SLC4A9: variants seen among roughly 807,000 people sequenced by gnomAD.
The protein encoded by SLC4A9 is anion exchange protein 4.
In SLC4A9, 102 loss-of-function variants were observed where a neutral mutation model predicts 103.2. The ratio of observed to expected loss-of-function variants is 0.99; its 90% CI spans 0.84 to 1.17. SLC4A9 has a LOEUF of 1.17. SLC4A9 is among the 50% of genes most tolerant of loss of function. The pLI, the probability that SLC4A9 is intolerant of heterozygous loss-of-function variation, is 0.00. For synonymous variants in SLC4A9, 453 were observed against 483.6 expected (o/e 0.94, Z 0.83); for missense variants, 1,091 against 1,193.7 (o/e 0.91, Z 1.27).
chr5:140,367,301 A>T, intron 14 of SLC4A9, 119 bp from the exon 15 acceptor site: 3 of 1,230,018 alleles, frequency 2.4e-6, no homozygotes, highest in Non-Finnish European at 3.4e-6. Flanking sequence ...CACACAGCCC[A>T]CTAGCATCTA....
At chr5:140,361,460 C>A in intron 3 of SLC4A9, 93 bp downstream of exon 3, 1 of 1,054,906 alleles carries the variant, frequency 9.5e-7, no homozygotes, top group Non-Finnish European at 1.4e-6. Flanking sequence ...GTAGCCCAGG[C>A]TTAGTTCAGG....
intron 2 of SLC4A9, 110 bp downstream of exon 2, chr5:140,361,082 T>C (rs903980176): frequency 3.3e-6 from 4 of 1,226,412 alleles, no homozygotes; most frequent in African/African-American, 1.5e-5. Context: ...CCTCCTAGGA[T>C]TGTCTACCCT....
intron 1 of SLC4A9, 173 bp downstream of exon 1, chr5:140,360,639 T>C (rs1766923831): frequency 8.4e-7 from 1 of 1,190,272 alleles, no homozygotes; most frequent in Non-Finnish European, 1.2e-6. Context: ...GCAGTCTAGT[T>C]TTGAGATCCC....
At chr5:140,373,950 T>C (rs965129883) in intron 21 of SLC4A9, among the ~76,000 whole-genome samples, 3 of 152,256 alleles carry the variant, frequency 2.0e-5, no homozygotes, top group Non-Finnish European at 4.4e-5. Flanking sequence ...TCCCAGCACT[T>C]TGGGAGGCAG....
In SLC4A9 at chr5:140,361,816, C is replaced by T; in HGVS notation, c.514C>T (p.His172Tyr). The T allele has an allele frequency of 1.2e-6, 2 of 1,614,030 alleles. No individual in the cohort carries two copies. The highest frequency in any genetic ancestry group is 1.7e-6 in the Non-Finnish European group (2 of 1,179,916). The change falls in exon 4 of 22, where the codon CAT becomes TAT. Residue 172 changes from histidine to tyrosine, a missense_variant. Physicochemically the swap from His to Tyr is moderately conservative, Grantham distance 83. Transcript: ENST00000506757. ...TGTRPCWGST[H>Y]PRKASDNEEA... ...ATAATCCTGTTTTGTAGGCTCTACT[C>T]ATCCAAGAAAGGCTTCTGACAATGA... is the stretch of plus-strand genomic sequence containing the variant.
At position 140,361,319 on chromosome 5, in the gene SLC4A9, C is replaced by T; in HGVS notation, c.457C>T (p.Gln153Ter). The T allele has an allele frequency of 6.4e-7, 1 of 1,567,744 alleles. No individual in the cohort carries two copies. The highest frequency in any genetic ancestry group is 1.2e-5 in the South Asian group (1 of 84,874). ...AGGGCAGTTGCAGGCCTTGCTGCTG[C>T]AGAGACCCCAGCATTACAACCAGAC... The part of the protein sequence containing the change: ...LRGQLQALLL[Q>*]RPQHYNQTTG... Residue 153 changes from glutamine to a stop codon, truncating the protein, a stop_gained, in exon 3 of 22, where the codon CAG (glutamine) becomes TAG (stop). Coordinates refer to ENST00000506757, the MANE Select transcript of SLC4A9 (RefSeq NM_031467.3). LOFTEE classifies it high-confidence loss of function.
In SLC4A9 at chr5:140,368,677, G is replaced by T; in HGVS notation, c.2427+18G>T. The T allele has an allele frequency of 6.2e-7, 1 of 1,609,080 alleles. No homozygotes were observed. The highest frequency in any genetic ancestry group is 8.5e-7 in the Non-Finnish European group (1 of 1,176,210). On this transcript the variant is annotated intron_variant, in intron 17 of 21. Transcript: ENST00000506757. ...TGCTCAAGGTACCTTTGTTATACAA[G>T]CCAGGATCAGGGTCAGTGTAGTAAT...
chr5:140,364,646 C>A, intron 11 of SLC4A9, 21 bp downstream of exon 11: 1 of 1,592,826 alleles, frequency 6.3e-7, no homozygotes, highest in Admixed American at 1.8e-5. Flanking sequence ...GAAACAGGGA[C>A]CTTGGTCAGG....
In SLC4A9 at chr5:140,372,730, A is replaced by G. The variant is rs759519184; in HGVS notation, c.2827-15A>G. ...CTATCTATTCTCAATCCATCTTGGGATCTGTCTTCCACAGTCAGAGCTGAT... is the reference window on the plus strand; with the variant it reads ...CTATCTATTCTCAATCCATCTTGGGGTCTGTCTTCCACAGTCAGAGCTGAT... On this transcript the variant is annotated splice_polypyrimidine_tract_variant and intron_variant, in intron 20 of 21. Coordinates refer to ENST00000506757, the MANE Select transcript of SLC4A9 (RefSeq NM_031467.3). 6.4e-7 allele frequency: 1 copy of G among 1,558,476 alleles called. No homozygotes were observed. The highest frequency in any genetic ancestry group is 2.0e-5 in the Admixed American group (1 of 49,326).
In SLC4A9 at chr5:140,362,937, C is replaced by A. The variant is rs1398963175; in HGVS notation, c.833C>A (p.Ala278Asp). The change falls in exon 7 of 22, where the codon GCC (alanine) becomes GAC (aspartate). Residue 278 changes from alanine to aspartate, a missense_variant. Coordinates refer to ENST00000506757, the MANE Select transcript of SLC4A9 (RefSeq NM_031467.3). Reference protein sequence around the residue: ...DPQFQWSVRRASNLHDLLAAL... With the variant: ...DPQFQWSVRRDSNLHDLLAAL... ...CAATTCCAGTGGTCAGTTCGTCGGG[C>A]CAGCAACCTTCATGACCTTCTGGCA... is the stretch of plus-strand genomic sequence containing the variant. The A allele has an allele frequency of 4.3e-6, 7 of 1,613,808 alleles. No individual in the cohort carries two copies. In the East Asian group the frequency reaches 1.6e-4, roughly 36 times the overall value.
chr5:140,360,228 G>T lies in SLC4A9; in HGVS notation c.-9G>T. 1 of 1,607,096 alleles carries T rather than the reference G, an allele frequency of 6.2e-7. No individual in the cohort carries two copies. Among genetic ancestry groups the T allele is most frequent in the Non-Finnish European group, 8.5e-7 (1 of 1,176,440 alleles). Reference sequence around the variant, plus strand: ...GACTGTACTGGTTCTGAGATTCTGTGCAAGCCTCATGGAAATGAAGCTGCC... The same window carrying T: ...GACTGTACTGGTTCTGAGATTCTGTTCAAGCCTCATGGAAATGAAGCTGCC... On this transcript the variant is annotated 5_prime_UTR_variant, in exon 1 of 22. Coordinates refer to ENST00000506757, the MANE Select transcript of SLC4A9 (RefSeq NM_031467.3).
intron 21 of SLC4A9, among the ~76,000 whole-genome samples, chr5:140,373,112 G>C (rs182149685): frequency 6.6e-6 from 1 of 152,154 alleles, no homozygotes; most frequent in Non-Finnish European, 1.5e-5. Flanking sequence ...TGGGTGTTGT[G>C]GGGGGCGGTG....
At chr5:140,366,917 ACCT>A (rs2126773839) in intron 14 of SLC4A9, among the ~76,000 whole-genome samples, 1 of 152,050 alleles carries the variant, frequency 6.6e-6, no homozygotes, top group South Asian at 2.1e-4. Context: ...GCATTTGGAG[ACCT>A]CCTCTCCAAA....
chr5:140,361,980 C>A (rs1428864565), intron 4 of SLC4A9, 37 bp from the exon 5 acceptor site: 1 of 1,613,622 alleles, frequency 6.2e-7, no homozygotes, highest in African/African-American at 1.3e-5. Context: ...CCCCAAATAA[C>A]CTTTCATATT....
Position 140,371,098 on chromosome 5 carries a change from A to G in SLC4A9, c.2431A>G (p.Ile811Val). 1 of 1,610,550 alleles carries G rather than the reference A, an allele frequency of 6.2e-7. No homozygotes were observed. Among genetic ancestry groups the G allele is most frequent in the South Asian group, 1.1e-5 (1 of 90,104 alleles). Residue 811 changes from isoleucine to valine, a missense_variant, in exon 18 of 22, where the codon ATT becomes GTT. Coordinates refer to ENST00000506757, the MANE Select transcript of SLC4A9 (RefSeq NM_031467.3). Reference sequence around the variant, plus strand: ...ACTCTCTGCTTCTTTCTACCAGTTCATTCCAATGCCTGTGCTCTATGGCAT... The same window carrying G: ...ACTCTCTGCTTCTTTCTACCAGTTCGTTCCAATGCCTGTGCTCTATGGCAT... ...SIFLAPVLKF[I>V]PMPVLYGIFL...
Position 140,360,277 on chromosome 5 carries a change from C to T in SLC4A9, c.41C>T (p.Ser14Phe), listed in dbSNP as rs778953447. 6.2e-7 allele frequency: 1 copy of T among 1,612,382 alleles called. No individual in the cohort carries two copies. Among genetic ancestry groups the T allele is most frequent in the Non-Finnish European group, 8.5e-7 (1 of 1,179,230 alleles). ...KLPGQEGFEA[S>F]SAPRNIPSGE... ...CCAGGCCAGGAAGGGTTTGAAGCCT[C>T]CAGTGCTCCTAGAAATATTCCTTCA... is the stretch of plus-strand genomic sequence containing the variant. The change falls in exon 1 of 22, where the codon TCC becomes TTC. Residue 14 changes from serine (S) to phenylalanine (F), a missense_variant. Physicochemically the swap from Ser to Phe is radical, Grantham distance 155 (BLOSUM62 -2). Transcript: ENST00000506757.
intron 17 of SLC4A9, among the ~76,000 whole-genome samples, chr5:140,370,484 CA>C (rs890091313): frequency 6.7e-6 from 1 of 148,816 alleles, no homozygotes; most frequent in Non-Finnish European, 1.5e-5. Flanking sequence ...AAAACAAAAA[CA>C]AAAAAACAAA....
Position 140,361,849 on chromosome 5 carries a change from C to T in SLC4A9, c.547C>T (p.Pro183Ser), listed in dbSNP as rs1767127604. The change falls in exon 4 of 22, where the codon CCC becomes TCC. Residue 183 changes from proline (P) to serine (S), a missense_variant. Coordinates refer to ENST00000506757, the MANE Select transcript of SLC4A9 (RefSeq NM_031467.3). ...AAAGGCTTCTGACAATGAGGAAGCC[C>T]CCCTGAGGGAACAGGTTTGTGGCCC... Reference protein sequence around the residue: ...PRKASDNEEAPLREQCQNPLR... With the variant: ...PRKASDNEEASLREQCQNPLR... 6.2e-7 allele frequency: 1 copy of T among 1,614,004 alleles called. No homozygotes were observed. The highest frequency in any genetic ancestry group is 8.5e-7 in the Non-Finnish European group (1 of 1,179,884).
chr5:140,360,709 C>T, intron 1 of SLC4A9, 103 bp from the exon 2 acceptor site: 2 of 1,553,326 alleles, frequency 1.3e-6, no homozygotes, highest in Non-Finnish European at 1.7e-6. Flanking sequence ...CCACTGGGCC[C>T]AGGATGCCCT....
Sources: allele counts gnomAD v4.1 joint callset (sites outside exome capture counted in the v4.1 genomes callset), GRCh38; gene constraint gnomAD v4.1.1; transcripts MANE v1.5; gene names NCBI Gene and HGNC (gene_info 2026-07-23, HGNC 2026-07-21).